Variants in LDB2 observed in about 807,000 individuals in gnomAD.
The protein encoded by LDB2 is LIM domain-binding protein 2.
In LDB2, 12 loss-of-function variants were observed where a neutral mutation model predicts 44.3. That is an observed-to-expected ratio of 0.27 (90% confidence interval 0.17 to 0.44). The LOEUF is 0.44. Ranked by LOEUF, LDB2 falls within the 20% of genes least tolerant of loss-of-function variation. The probability of loss-of-function intolerance (pLI) is 1.00; values close to 1 mark genes in which losing one functional copy is unlikely to be tolerated. For synonymous variants in LDB2, 164 were observed against 174.8 expected (o/e 0.94, Z 0.49); for missense variants, 344 against 473.5 (o/e 0.73, Z 2.54).
intron 1 of LDB2, among the ~76,000 whole-genome samples, chr4:16,792,728 C>T (rs541363933): frequency 6.6e-6 from 1 of 152,298 alleles, no homozygotes; most frequent in East Asian, 1.9e-4. Context: ...CTCCTCGGCT[C>T]CTGTCTGCAG....
chr4:16,689,719 C>T (rs769287813), intron 2 of LDB2, among the ~76,000 whole-genome samples: 1 of 152,214 alleles, frequency 6.6e-6, no homozygotes, highest in Non-Finnish European at 1.5e-5. Flanking sequence ...GGCCCCTGAG[C>T]ATAGTAAATG....
rs553852225 is a variant in LDB2, at chr4:16,533,577, T to C, written c.616-21473A>G. Among the ~76,000 whole-genome samples the C allele has an allele frequency of 9.8e-5, 15 of 152,324 alleles. No homozygotes were observed. The highest frequency in any genetic ancestry group is 3.6e-4 in the African/African-American group (15 of 41,580). On this transcript the variant is annotated intron_variant, in intron 5 of 7. Coordinates refer to ENST00000304523, the MANE Select transcript of LDB2 (RefSeq NM_001290.5). The surrounding 1 kb of genome is among the most constrained non-coding windows in gnomAD (Gnocchi z 4.1). ...TTGACTCTGAACATGGTTTTATTTTTGTCTATAAAGCTGAGACTTCTCTCA... is the reference window on the plus strand; with the variant it reads ...TTGACTCTGAACATGGTTTTATTTTCGTCTATAAAGCTGAGACTTCTCTCA...
intron 1 of LDB2, among the ~76,000 whole-genome samples, chr4:16,871,442 G>A (rs1445197717): frequency 1.3e-5 from 2 of 152,128 alleles, no homozygotes; most frequent in Non-Finnish European, 2.9e-5. Flanking sequence ...ATGAGTGGCA[G>A]AAAATTTGAG....
At chr4:16,788,443 A>G (rs1407144463) in intron 1 of LDB2, among the ~76,000 whole-genome samples, 1 of 152,250 alleles carries the variant, frequency 6.6e-6, no homozygotes, top group African/African-American at 2.4e-5. Context: ...TTCAAATGCT[A>G]ATCCCTCCTG....
intron 5 of LDB2, among the ~76,000 whole-genome samples, chr4:16,557,768 T>C (rs528913741): frequency 9.4e-4 from 143 of 152,314 alleles, no homozygotes; most frequent in African/African-American, 3.1e-3. Flanking sequence ...CCTCCTCAAG[T>C]GGGTCCCTGA....
intron 2 of LDB2, among the ~76,000 whole-genome samples, chr4:16,742,148 T>A (rs1247903179): frequency 1.3e-5 from 2 of 149,024 alleles, no homozygotes; most frequent in Non-Finnish European, 3.0e-5. Context: ...CTCGGCTCAC[T>A]GCAATCTCCG....
chr4:16,852,352 G>A (rs779480245), intron 1 of LDB2, among the ~76,000 whole-genome samples: 5 of 152,152 alleles, frequency 3.3e-5, no homozygotes, highest in African/African-American at 1.2e-4. Context: ...TCAGATACAC[G>A]AAAAGACAAA....
chr4:16,569,184 A>G (rs914580671), intron 5 of LDB2, among the ~76,000 whole-genome samples: 1 of 152,240 alleles, frequency 6.6e-6, no homozygotes, highest in Admixed American at 6.5e-5. Flanking sequence ...AAGAGGAAGG[A>G]TAAAAAATAA....
At chr4:16,807,745 A>G (rs186745440) in intron 1 of LDB2, among the ~76,000 whole-genome samples, 25 of 152,340 alleles carry the variant, frequency 1.6e-4, no homozygotes, top group Middle Eastern at 3.4e-3. Context: ...GCTAAAAGCT[A>G]AGACACAAAA....
chr4:16,784,443 A>T (rs1412779583), intron 1 of LDB2, among the ~76,000 whole-genome samples: 2 of 152,220 alleles, frequency 1.3e-5, no homozygotes, highest in Non-Finnish European at 2.9e-5. Flanking sequence ...AATAGGAAAC[A>T]CCATCTCTTC....
rs368481785 is a variant in LDB2, at chr4:16,626,115, G to T, written c.236-30240C>A. Among the ~76,000 whole-genome samples the T allele has an allele frequency of 2.0e-5, 3 of 152,270 alleles. No individual in the cohort carries two copies. The East Asian group carries it at 5.8e-4, about 29-fold the overall frequency. ...ATTGATAGCACAACCCTATGAGGTTGGCAGTCATTAACCCCTTTGTATAAA... is the reference window on the plus strand; with the variant it reads ...ATTGATAGCACAACCCTATGAGGTTTGCAGTCATTAACCCCTTTGTATAAA... On this transcript the variant is annotated intron_variant, in intron 2 of 7. Transcript: ENST00000304523.
At chr4:16,828,350 GC>G (rs1435097695) in intron 1 of LDB2, among the ~76,000 whole-genome samples, 1 of 152,100 alleles carries the variant, frequency 6.6e-6, no homozygotes, top group African/African-American at 2.4e-5. Context: ...ACACTTCTCT[GC>G]CTTTAGGATT....
chr4:16,527,806 TCACA>T (rs1728745230), intron 5 of LDB2, among the ~76,000 whole-genome samples: 1 of 152,104 alleles, frequency 6.6e-6, no homozygotes, highest in South Asian at 2.1e-4. Flanking sequence ...TCTTCTTACC[TCACA>T]CACACAAAAT....
At chr4:16,849,313 A>G (rs941053597) in intron 1 of LDB2, among the ~76,000 whole-genome samples, 1 of 152,188 alleles carries the variant, frequency 6.6e-6, no homozygotes, top group African/African-American at 2.4e-5. Flanking sequence ...ACTGTCTTTC[A>G]TCTTCCTCTT....
chr4:16,643,602 T>C (rs996937240), intron 2 of LDB2, among the ~76,000 whole-genome samples: 1 of 152,242 alleles, frequency 6.6e-6, no homozygotes, highest in African/African-American at 2.4e-5. Flanking sequence ...ATGCAGATCA[T>C]GCCTAAAAAT....
At chr4:16,811,679 TA>T (rs1324695695) in intron 1 of LDB2, among the ~76,000 whole-genome samples, 1 of 152,244 alleles carries the variant, frequency 6.6e-6, no homozygotes, top group East Asian at 1.9e-4. Context: ...ATTTTGTTCC[TA>T]TTACAATACA....
chr4:16,830,148 T>C (rs1465817052), intron 1 of LDB2, among the ~76,000 whole-genome samples: 1 of 152,046 alleles, frequency 6.6e-6, no homozygotes, highest in African/African-American at 2.4e-5. Context: ...GAAAAACACA[T>C]ACACATATTG....
intron 2 of LDB2, among the ~76,000 whole-genome samples, chr4:16,617,088 C>T (rs375998992): frequency 4.6e-4 from 70 of 152,126 alleles, no homozygotes; most frequent in African/African-American, 1.6e-3. Flanking sequence ...TTATGGCAAC[C>T]GTAAAGAAGG....
intron 1 of LDB2, among the ~76,000 whole-genome samples, chr4:16,775,530 C>T (rs1442920412): frequency 6.6e-6 from 1 of 152,114 alleles, no homozygotes; most frequent in East Asian, 1.9e-4. Flanking sequence ...TAGAACAGTG[C>T]CTGGAATGCA....
Sources: allele counts gnomAD v4.1 joint callset (sites outside exome capture counted in the v4.1 genomes callset), GRCh38; gene constraint gnomAD v4.1.1; non-coding constraint Gnocchi (gnomAD v3.1); transcripts MANE v1.5; gene names NCBI Gene and HGNC (gene_info 2026-07-23, HGNC 2026-07-21).